TOX: variants seen among roughly 807,000 people sequenced by gnomAD.
TOX encodes thymocyte selection-associated high mobility group box protein TOX.
TOX carries 11 observed loss-of-function variants against 53.7 expected under a neutral mutation model. That is an observed-to-expected ratio of 0.20 (90% CI 0.13 to 0.34). The LOEUF (loss-of-function observed/expected upper bound fraction) is 0.34, where lower values mean the gene tolerates loss of function less well. Among genes scored for constraint, TOX ranks in the 10% least tolerant of loss-of-function variants. The pLI is 1.00. For missense variants in TOX, 570 were observed against 664.6 expected (o/e 0.86, Z 1.56); for synonymous variants, 225 against 245.3 (o/e 0.92, Z 0.77).
At position 58,888,958 on chromosome 8, in the gene TOX, T is replaced by TA. The variant is rs549728494; in HGVS notation, c.412-37154dup. On this transcript the variant is annotated intron_variant, in intron 3 of 8. Coordinates refer to ENST00000361421, the MANE Select transcript of TOX (RefSeq NM_014729.3). The stretch of plus-strand genomic sequence containing the variant: ...AAAATATGAATGGCTCTTAAATATA[T>TA]AAAAAATAATACCTAGATCTTTTTC... 2.1e-4 allele frequency among the ~76,000 whole-genome samples: 32 copies of TA among 152,000 alleles called. No individual in the cohort carries two copies. In the East Asian group the frequency reaches 4.8e-3, roughly 23 times the overall value.
At chr8:58,958,801 A>G (rs1006926938) in intron 2 of TOX, among the ~76,000 whole-genome samples, 2 of 152,196 alleles carry the variant, frequency 1.3e-5, no homozygotes, top group Admixed American at 6.5e-5. Flanking sequence ...TATCTGCCAG[A>G]GAAGGCAGTA....
At chr8:58,943,764 T>C (rs1812481439) in intron 2 of TOX, among the ~76,000 whole-genome samples, 1 of 152,082 alleles carries the variant, frequency 6.6e-6, no homozygotes, top group Non-Finnish European at 1.5e-5. Flanking sequence ...CATCACATTT[T>C]ATAGTGACAT....
chr8:58,899,019 C>T (rs538954610), intron 3 of TOX, among the ~76,000 whole-genome samples: 2 of 152,288 alleles, frequency 1.3e-5, no homozygotes, highest in African/African-American at 4.8e-5. Context: ...TGCAGCCCTG[C>T]CCTGGTCTCA....
At chr8:58,937,865 G>T (rs1275165883) in intron 3 of TOX, among the ~76,000 whole-genome samples, 1 of 152,034 alleles carries the variant, frequency 6.6e-6, no homozygotes, top group Non-Finnish European at 1.5e-5. Flanking sequence ...CTCATGAATT[G>T]GGTCTGAAGG....
At chr8:59,073,006 TA>T (rs1338772982) in intron 1 of TOX, among the ~76,000 whole-genome samples, 3 of 152,164 alleles carry the variant, frequency 2.0e-5, no homozygotes, top group African/African-American at 7.2e-5. Context: ...AAAATAATTT[TA>T]CAAGTGAATA....
At chr8:58,908,119 C>G (rs2129173520) in intron 3 of TOX, among the ~76,000 whole-genome samples, 1 of 152,248 alleles carries the variant, frequency 6.6e-6, no homozygotes, top group East Asian at 1.9e-4. Context: ...CATAGGCCCC[C>G]AGTGTGTGTT....
chr8:58,829,964 T>C (rs1810425470), intron 5 of TOX, among the ~76,000 whole-genome samples: 1 of 152,154 alleles, frequency 6.6e-6, no homozygotes, highest in South Asian at 2.1e-4. Context: ...GAACAACCAC[T>C]GCCATGAGCA....
chr8:58,864,370 G>C (rs1023850558), intron 3 of TOX, among the ~76,000 whole-genome samples: 8 of 151,832 alleles, frequency 5.3e-5, no homozygotes, highest in Non-Finnish European at 8.8e-5. Flanking sequence ...TATATTCTGA[G>C]GTATAAAGTT....
rs560703991 is a variant in TOX at position 59,107,046 on chromosome 8, T to TGG, written c.102+11838_102+11839dup. On this transcript the variant is annotated intron_variant, in intron 1 of 8. Coordinates refer to ENST00000361421, the MANE Select transcript of TOX (RefSeq NM_014729.3). ...ACAATGATCTTATAAAGCAGTTTGC[T>TGG]GGGGGGGGGGGGAACGTGACATTTC... is the stretch of plus-strand genomic sequence containing the variant. 6.6e-3 allele frequency among the ~76,000 whole-genome samples: 382 copies of TGG among 58,078 alleles called. 26 individuals are homozygous for TGG. The highest frequency in any genetic ancestry group is 0.023 in the East Asian group (33 of 1,412). The allele number at this position is 58,078 out of a possible 152,430, so 38.1% of individuals were successfully genotyped here. A position where few individuals can be genotyped will look rare whatever the true frequency, so the allele number is the denominator to read the frequency against.
intron 6 of TOX, 28 bp from the exon 7 acceptor site, chr8:58,815,752 G>T: frequency 1.3e-6 from 2 of 1,574,068 alleles, no homozygotes; most frequent in South Asian, 2.4e-5. Context: ...GAGCAGAGTT[G>T]GGAGGCTGAT....
chr8:58,887,840 G>C (rs774521011), intron 3 of TOX, among the ~76,000 whole-genome samples: 2 of 151,924 alleles, frequency 1.3e-5, no homozygotes, highest in African/African-American at 4.8e-5. Context: ...TTAAGGCTAG[G>C]AATATTCTTA....
intron 1 of TOX, among the ~76,000 whole-genome samples, chr8:59,080,615 G>A (rs1012106263): frequency 6.6e-6 from 1 of 152,210 alleles, no homozygotes; most frequent in Non-Finnish European, 1.5e-5. Context: ...AATGCTGGAG[G>A]TGGGACCTGG....
intron 3 of TOX, among the ~76,000 whole-genome samples, chr8:58,938,860 T>C (rs1483096304): frequency 2.0e-5 from 3 of 152,192 alleles, no homozygotes; most frequent in Admixed American, 6.5e-5. Flanking sequence ...TACCTTCCTA[T>C]GGTATACATT....
chr8:59,103,190 G>A (rs1324098003), intron 1 of TOX, among the ~76,000 whole-genome samples: 2 of 152,182 alleles, frequency 1.3e-5, no homozygotes, highest in Admixed American at 1.3e-4. Flanking sequence ...ATCCAGTTTA[G>A]ACTAAGATAA....
chr8:59,101,171 A>G (rs1362970005), intron 1 of TOX, among the ~76,000 whole-genome samples: 1 of 152,228 alleles, frequency 6.6e-6, no homozygotes, highest in East Asian at 1.9e-4. Flanking sequence ...TTTAGGTCAA[A>G]TATTAAAGTT....
chr8:58,922,527 C>T (rs918748098), intron 3 of TOX, among the ~76,000 whole-genome samples: 1 of 152,050 alleles, frequency 6.6e-6, no homozygotes, highest in African/African-American at 2.4e-5. Context: ...TACACACACA[C>T]AAACACACAC....
chr8:58,848,401 T>C (rs1386194429), intron 4 of TOX, among the ~76,000 whole-genome samples: 1 of 152,062 alleles, frequency 6.6e-6, no homozygotes, highest in Non-Finnish European at 1.5e-5. Flanking sequence ...TATAGTAAGG[T>C]AAATGCAGTA....
chr8:59,071,969 A>G (rs533040519), intron 1 of TOX, among the ~76,000 whole-genome samples: 1 of 152,348 alleles, frequency 6.6e-6, no homozygotes, highest in African/African-American at 2.4e-5. Context: ...TTGTCAAAAA[A>G]TGAACATTAA....
In TOX at chr8:58,862,331, T is replaced by C. The variant is rs1327634983; in HGVS notation, c.412-10526A>G. Among the ~76,000 whole-genome samples the C allele has an allele frequency of 2.1e-4, 32 of 152,158 alleles. 1 individual carries two copies. ...TTTTATAGCATGTTAGATAATGGGATAGATGTAATTATATATAGTCTCAAT... is the reference window on the plus strand; with the variant it reads ...TTTTATAGCATGTTAGATAATGGGACAGATGTAATTATATATAGTCTCAAT... On this transcript the variant is annotated intron_variant, in intron 3 of 8. Coordinates refer to ENST00000361421, the MANE Select transcript of TOX (RefSeq NM_014729.3).
Sources: gnomAD v4.1 joint callset for allele counts (sites outside exome capture counted in the v4.1 genomes callset) on GRCh38, gnomAD v4.1.1 for gene constraint, MANE v1.5 for transcripts, NCBI Gene and HGNC (gene_info 2026-07-23, HGNC 2026-07-21) for gene names.